Variants in TKFC observed in about 807,000 individuals in gnomAD.
TKFC encodes the protein triokinase/FMN cyclase.
In TKFC, 46 loss-of-function variants were observed where a neutral mutation model predicts 61.0. The ratio of observed to expected loss-of-function variants is 0.75; its 90% CI spans 0.60 to 0.96. The LOEUF (loss-of-function observed/expected upper bound fraction) is 0.96, where lower values mean the gene tolerates loss of function less well. Ranked by LOEUF, TKFC falls within the 50% of genes least tolerant of loss-of-function variation. The pLI, the probability that TKFC is intolerant of heterozygous loss-of-function variation, is 0.00. For synonymous variants in TKFC, 314 were observed against 330.1 expected (o/e 0.95, Z 0.53); for missense variants, 715 against 777.5 (o/e 0.92, Z 0.96).
chr11:61,353,378 T>A (rs1857508323), downstream of TKFC: 2 of 611,982 alleles, frequency 3.3e-6, no homozygotes, highest in East Asian at 5.8e-5. Flanking sequence ...AACCACCTTG[T>A]TTGTCTCTGG....
rs112560421 is a variant in TKFC at position 61,344,636 on chromosome 11, T to C, written c.1240+363T>C. Among the ~76,000 whole-genome samples the C allele has an allele frequency of 3.3e-5, 5 of 152,282 alleles. 1 individual carries two copies. The highest frequency in any genetic ancestry group is 1.2e-4 in the African/African-American group (5 of 41,538). On this transcript the variant is annotated intron_variant, in intron 13 of 17. Coordinates refer to ENST00000394900, the MANE Select transcript of TKFC (RefSeq NM_015533.4). Reference sequence around the variant, plus strand: ...GCCCTGGCCTCCCAAAGTGCTGAGATTACAGGCATGAGCCACCACACCCGG... The same window carrying C: ...GCCCTGGCCTCCCAAAGTGCTGAGACTACAGGCATGAGCCACCACACCCGG...
Position 61,341,913 on chromosome 11 carries a change from G to T in TKFC, c.655+1G>T. 6.2e-7 allele frequency: 1 copy of T among 1,611,234 alleles called. No homozygotes were observed. The highest frequency in any genetic ancestry group is 2.2e-5 in the East Asian group (1 of 44,868). ...GCCGACGAGGTGGAGCTGGGCCTGG[G>T]TAAGCTTGTGGCCATCCATCCCAGC... On this transcript the variant is annotated splice_donor_variant, in intron 7 of 17. Coordinates refer to ENST00000394900, the MANE Select transcript of TKFC (RefSeq NM_015533.4). LOFTEE classifies it high-confidence loss of function.
chr11:61,345,805 C>T (rs1857093072), intron 16 of TKFC, 52 bp from the exon 17 acceptor site: 3 of 1,614,068 alleles, frequency 1.9e-6, no homozygotes, highest in Non-Finnish European at 2.5e-6. Flanking sequence ...GTCTAAAGAG[C>T]ACCCTCGGTT....
chr11:61,351,284 CTTTT>C (rs909648792), downstream of TKFC: 3,300 of 291,110 alleles, frequency 0.011, no homozygotes, highest in South Asian at 0.017. Flanking sequence ...AACACCCTTT[CTTTT>C]TTTTTTTTTT....
rs908984685 is a variant in TKFC at position 61,334,466 on chromosome 11, C to T, written c.-109-154C>T. 8.0e-6 allele frequency: 4 copies of T among 497,354 alleles called. No individual in the cohort carries two copies. The East Asian group carries it at 1.5e-4, about 18-fold the overall frequency. 30.8% of individuals were successfully genotyped at this position (497,354 alleles called of 1,614,324 possible). A position where few individuals can be genotyped will look rare whatever the true frequency, so the allele number is the denominator to read the frequency against. On this transcript the variant is annotated intron_variant, in intron 1 of 17. Transcript: ENST00000394900. ...AAGTGCAGGCATGAACCTTGGTCAG[C>T]CCCACACTCTTCTCCATCCGTAGCC...
At chr11:61,338,254 C>T in intron 3 of TKFC, 124 bp downstream of exon 3, 2 of 874,808 alleles carry the variant, frequency 2.3e-6, no homozygotes, top group Admixed American at 3.5e-5. Flanking sequence ...GGGTACTTCC[C>T]ACTCTCCCAC....
chr11:61,334,560 T>C, intron 1 of TKFC, 60 bp from the exon 2 acceptor site: 4 of 808,314 alleles, frequency 4.9e-6, no homozygotes, highest in Non-Finnish European at 8.1e-6. Flanking sequence ...GCTGAAGGCG[T>C]GATTGTGCCA....
rs372629486 is a variant in TKFC at position 61,342,456 on chromosome 11, C to T, written c.656-5C>T. On this transcript the variant is annotated splice_polypyrimidine_tract_variant and splice_region_variant and intron_variant, in intron 7 of 17. Transcript: ENST00000394900. Reference sequence around the variant, plus strand: ...TGGGTCAGCAGTGACCACATCTATCCGCAGGGATCCACGGGGAAGCTGGTG... The same window carrying T: ...TGGGTCAGCAGTGACCACATCTATCTGCAGGGATCCACGGGGAAGCTGGTG... 63 of 1,613,896 alleles carry T rather than the reference C, an allele frequency of 3.9e-5. No homozygotes were observed. Among genetic ancestry groups the T allele is most frequent in the Admixed American group, 1.2e-4 (7 of 60,002 alleles).
At chr11:61,338,701 C>G (rs948961082) in intron 3 of TKFC, among the ~76,000 whole-genome samples, 1 of 152,206 alleles carries the variant, frequency 6.6e-6, no homozygotes, top group Non-Finnish European at 1.5e-5. Flanking sequence ...ACCAGACAGG[C>G]AAGGTCCCTG....
At position 61,348,846 on chromosome 11, in the gene TKFC, C is replaced by T. The variant is rs573106089; in HGVS notation, c.*2343C>T. 1 of 152,408 alleles carries T rather than the reference C, an allele frequency of 6.6e-6. No individual in the cohort carries two copies. The highest frequency in any genetic ancestry group is 2.4e-5 in the African/African-American group (1 of 41,568). 9.4% of individuals were successfully genotyped at this position (152,408 alleles called of 1,614,324 possible). The stretch of plus-strand genomic sequence containing the variant: ...TTTAATGAAACTCGAGCTTCATAAA[C>T]CAGTGAAATGCCTACCCCTATGGAG... On this transcript the variant is annotated 3_prime_UTR_variant, in exon 18 of 18. Coordinates refer to ENST00000394900, the MANE Select transcript of TKFC (RefSeq NM_015533.4).
rs1857158995 is a variant in TKFC, at chr11:61,346,981, C to G, written c.*478C>G. The G allele has an allele frequency of 1.0e-6, 1 of 987,386 alleles. No homozygotes were observed. Among genetic ancestry groups the G allele is most frequent in the Non-Finnish European group, 1.2e-6 (1 of 831,168 alleles). The allele number at this position is 987,386 out of a possible 1,614,324, so 61.2% of individuals were successfully genotyped here. A position where few individuals can be genotyped will look rare whatever the true frequency, so the allele number is the denominator to read the frequency against. ...CATGTAAACAAGGGGGCCCACAGCCCTGGCTGCAGGCATCATGACCCATCT... is the reference window on the plus strand; with the variant it reads ...CATGTAAACAAGGGGGCCCACAGCCGTGGCTGCAGGCATCATGACCCATCT... On this transcript the variant is annotated 3_prime_UTR_variant, in exon 18 of 18. Transcript: ENST00000394900. The surrounding 1 kb of genome is among the most constrained non-coding windows in gnomAD (Gnocchi z 4.1).
rs1857168421 is a variant in TKFC at position 61,347,128 on chromosome 11, G to T, written c.*625G>T. 1 of 985,452 alleles carries T rather than the reference G, an allele frequency of 1.0e-6. No individual in the cohort carries two copies. The highest frequency in any genetic ancestry group is 1.1e-4 in the East Asian group (1 of 8,824). The allele number at this position is 985,452 out of a possible 1,614,324, so 61.0% of individuals were successfully genotyped here. Reference sequence around the variant, plus strand: ...CACACACCTGATGCATGTAAGAATGGTAGAGGGGCTTTTCTTAGCATTGAA... The same window carrying T: ...CACACACCTGATGCATGTAAGAATGTTAGAGGGGCTTTTCTTAGCATTGAA... On this transcript the variant is annotated 3_prime_UTR_variant, in exon 18 of 18. Transcript: ENST00000394900.
chr11:61,341,609 C>T, intron 6 of TKFC, 95 bp downstream of exon 6: 11 of 1,411,122 alleles, frequency 7.8e-6, no homozygotes, highest in Non-Finnish European at 1.1e-5. Flanking sequence ...AGCGGTGCTC[C>T]CCAGGTTATT....
intron 14 of TKFC, 22 bp downstream of exon 14, chr11:61,345,388 G>T (rs775422185): frequency 3.7e-5 from 59 of 1,598,272 alleles, no homozygotes; most frequent in Non-Finnish European, 4.6e-5. Flanking sequence ...GGGGCTGAAG[G>T]GCTGACAGGG....
At chr11:61,338,494 G>A (rs1206919226) in intron 3 of TKFC, among the ~76,000 whole-genome samples, 1 of 152,178 alleles carries the variant, frequency 6.6e-6, no homozygotes, top group Non-Finnish European at 1.5e-5. Context: ...CCCACCTGCT[G>A]TGTCCCACTT....
intron 6 of TKFC, 137 bp downstream of exon 6, chr11:61,341,651 G>C (rs929681917): frequency 1.6e-4 from 201 of 1,237,962 alleles, no homozygotes; most frequent in Non-Finnish European, 2.2e-5. Flanking sequence ...ATCCCTGGGG[G>C]AGCTCCTGGG....
chr11:61,346,190 T>C lies in TKFC; in HGVS notation c.1576-161T>C. ...GACCCTTTTCCCTGCTGGAAGTAGA[T>C]GAGAAGTGACTTTCCATTTGGTGAC... On this transcript the variant is annotated intron_variant, in intron 17 of 17. Transcript: ENST00000394900. The surrounding 1 kb of genome is among the most constrained non-coding windows in gnomAD (Gnocchi z 4.1). 1.3e-6 allele frequency: 2 copies of C among 1,494,024 alleles called. No individual in the cohort carries two copies. Among genetic ancestry groups the C allele is most frequent in the Non-Finnish European group, 1.8e-6 (2 of 1,121,700 alleles). The allele number at this position is 1,494,024 out of a possible 1,614,324, so 92.5% of individuals were successfully genotyped here.
chr11:61,347,175 G>A lies in TKFC; in HGVS notation c.*672G>A, dbSNP rs746623798. 42 of 985,274 alleles carry A rather than the reference G, an allele frequency of 4.3e-5. No homozygotes were observed. The highest frequency in any genetic ancestry group is 5.2e-5 in the African/African-American group (3 of 57,206). The allele number at this position is 985,274 out of a possible 1,614,324, so 61.0% of individuals were successfully genotyped here. ...TGAATTAATAATTCAGTGGCTCCTC[G>A]GGAGTCGAATGGGCATTTGGGACAC... On this transcript the variant is annotated 3_prime_UTR_variant, in exon 18 of 18. Transcript: ENST00000394900.
At chr11:61,341,291 T>C (rs1856839925) in intron 5 of TKFC, 145 bp from the exon 6 acceptor site, 1 of 820,182 alleles carries the variant, frequency 1.2e-6, no homozygotes, top group Non-Finnish European at 2.0e-6. Context: ...TTTGCTCTTC[T>C]GCCCTAAATG....
Sources: allele counts gnomAD v4.1 joint callset (sites outside exome capture counted in the v4.1 genomes callset), GRCh38; gene constraint gnomAD v4.1.1; non-coding constraint Gnocchi (gnomAD v3.1); transcripts MANE v1.5; gene names NCBI Gene and HGNC (gene_info 2026-07-23, HGNC 2026-07-21).